Variants in CHD9 observed in about 807,000 individuals in gnomAD.
CHD9 encodes the protein chromodomain helicase DNA binding protein 9.
In CHD9, 77 loss-of-function variants were observed where a neutral mutation model predicts 316.1. That is an observed-to-expected ratio of 0.24 (90% confidence interval 0.20 to 0.29). The LOEUF is 0.29. Ranked by LOEUF, CHD9 falls within the 10% of genes least tolerant of loss-of-function variation. The probability of loss-of-function intolerance (pLI) is 1.00; values close to 1 mark genes in which losing one functional copy is unlikely to be tolerated. For missense variants in CHD9, 2,763 were observed against 3,438.1 expected, an observed-to-expected ratio of 0.80 and a Z score of 4.91; for synonymous variants, 1,129 against 1,158.3, an observed-to-expected ratio of 0.97 and a Z score of 0.51.
chr16:53,298,738 T>G (rs1214445532), intron 30 of CHD9: 2 of 153,368 alleles, frequency 1.3e-5, no homozygotes, highest in Non-Finnish European at 2.9e-5. Context: ...GTGAACCCTT[T>G]CTGTCCAGGA....
intron 1 of CHD9, among the ~76,000 whole-genome samples, chr16:53,146,436 T>TATATAA (rs1385131635): frequency 4.6e-5 from 6 of 130,970 alleles, no homozygotes; most frequent in African/African-American, 1.9e-4. Context: ...TATATATATA[T>TATATAA]AATTAAAAAG....
intron 1 of CHD9, among the ~76,000 whole-genome samples, chr16:53,064,702 A>T (rs979979632): frequency 6.6e-6 from 1 of 152,172 alleles, no homozygotes; most frequent in Non-Finnish European, 1.5e-5. Flanking sequence ...GGCTGGGCAC[A>T]GTGGCTCATG....
intron 2 of CHD9, among the ~76,000 whole-genome samples, chr16:53,198,586 A>G (rs1045088750): frequency 6.6e-6 from 1 of 152,120 alleles, no homozygotes; most frequent in Non-Finnish European, 1.5e-5. Context: ...TCGGCCTCCC[A>G]AAGTGCTAGG....
At chr16:53,254,239 A>T (rs928685876) in intron 17 of CHD9, among the ~76,000 whole-genome samples, 199 bp from the exon 18 acceptor site, 7 of 152,064 alleles carry the variant, frequency 4.6e-5, no homozygotes, top group Admixed American at 3.3e-4. Flanking sequence ...AAGCTTATAA[A>T]CCTAAATTTT....
At chr16:53,131,774 G>A (rs1277735058) in intron 1 of CHD9, among the ~76,000 whole-genome samples, 1 of 152,126 alleles carries the variant, frequency 6.6e-6, no homozygotes, top group Non-Finnish European at 1.5e-5. Flanking sequence ...GCGGGCACCC[G>A]ACGTCCCGGA....
chr16:53,149,528 CTTCT>C (rs1162018815), intron 1 of CHD9, among the ~76,000 whole-genome samples: 1 of 149,318 alleles, frequency 6.7e-6, no homozygotes, highest in Non-Finnish European at 1.5e-5. Flanking sequence ...GTGTAATATC[CTTCT>C]TTGTCTCTTG....
intron 19 of CHD9, among the ~76,000 whole-genome samples, chr16:53,262,338 CA>C (rs1304720028): frequency 6.6e-6 from 1 of 151,946 alleles, no homozygotes; most frequent in Non-Finnish European, 1.5e-5. Context: ...GAGTTTCTTC[CA>C]ACTAAAAGAT....
intron 1 of CHD9, among the ~76,000 whole-genome samples, chr16:53,105,981 C>G (rs2037316195): frequency 6.6e-6 from 1 of 152,070 alleles, no homozygotes; most frequent in Admixed American, 6.6e-5. Context: ...TGCCACTATG[C>G]CTGGCTAATT....
At chr16:53,199,951 T>G (rs1294825276) in intron 2 of CHD9, among the ~76,000 whole-genome samples, 1 of 152,108 alleles carries the variant, frequency 6.6e-6, no homozygotes, top group East Asian at 1.9e-4. Flanking sequence ...AAGAAAGTAA[T>G]ATCGGCTGGC....
At chr16:53,103,764 T>C (rs1456537215) in intron 1 of CHD9, among the ~76,000 whole-genome samples, 1 of 152,244 alleles carries the variant, frequency 6.6e-6, no homozygotes, top group African/African-American at 2.4e-5. Flanking sequence ...CATTGGTCTC[T>C]AGTGCCTTAT....
intron 27 of CHD9, among the ~76,000 whole-genome samples, chr16:53,291,479 G>A (rs1046841818): frequency 1.3e-5 from 2 of 152,206 alleles, no homozygotes; most frequent in Non-Finnish European, 2.9e-5. Flanking sequence ...TAGCTTAACA[G>A]TAATCATAGA....
chr16:53,175,290 C>A (rs2043026653), intron 2 of CHD9, among the ~76,000 whole-genome samples: 1 of 152,200 alleles, frequency 6.6e-6, no homozygotes. Flanking sequence ...TTCTTGGCTT[C>A]AAGTTCTATC....
chr16:53,314,795 A>G, intron 35 of CHD9, 28 bp from the exon 36 acceptor site: 2 of 1,466,312 alleles, frequency 1.4e-6, no homozygotes, highest in South Asian at 1.2e-5. Context: ...GTATGAAAAT[A>G]AAGATACCAT....
chr16:53,134,817 G>A (rs747758296), intron 1 of CHD9, among the ~76,000 whole-genome samples: 17 of 152,290 alleles, frequency 1.1e-4, no homozygotes, highest in Middle Eastern at 3.4e-3. Flanking sequence ...TTCATTAAAT[G>A]TATATATTAT....
rs1455111127 is a variant in CHD9 at position 53,231,637 on chromosome 16, T to A, written c.2374-10T>A. ...TTTTCAAAATGGTAAATGAAAAAAT[T>A]TTTTTACAGCCTGTTATTTACTACT... On this transcript the variant is annotated splice_polypyrimidine_tract_variant and intron_variant, in intron 9 of 38. Coordinates refer to ENST00000447540, the MANE Select transcript of CHD9 (RefSeq NM_001308319.2). 2.6e-6 allele frequency: 4 copies of A among 1,557,376 alleles called. No homozygotes were observed. Among genetic ancestry groups the A allele is most frequent in the Non-Finnish European group, 3.5e-6 (4 of 1,151,290 alleles).
intron 18 of CHD9, among the ~76,000 whole-genome samples, chr16:53,255,221 C>A (rs1421924833): frequency 6.6e-6 from 1 of 152,140 alleles, no homozygotes; most frequent in Middle Eastern, 3.4e-3. Context: ...AGGCAGGAGA[C>A]TCGCTTGAGT....
intron 37 of CHD9, chr16:53,319,882 C>T (rs2057147243): frequency 8.7e-7 from 1 of 1,155,242 alleles, no homozygotes; most frequent in East Asian, 6.4e-5. Context: ...CCAAGAGGGC[C>T]TCCATTTTCA....
rs918573687 is a variant in CHD9 at position 53,245,573 on chromosome 16, C to A, written c.3199-22C>A. On this transcript the variant is annotated intron_variant, in intron 14 of 38. Coordinates refer to ENST00000447540, the MANE Select transcript of CHD9 (RefSeq NM_001308319.2). The surrounding 1 kb of genome is among the most constrained non-coding windows in gnomAD (Gnocchi z 4.1). ...TTAAATGCTCACTTATGTTATATGT[C>A]TTTTTATCATTTTTTATTCAGGTAC... 9.1e-6 allele frequency: 14 copies of A among 1,538,678 alleles called. No homozygotes were observed. The highest frequency in any genetic ancestry group is 1.2e-5 in the Non-Finnish European group (14 of 1,147,396).
At chr16:53,195,659 C>T (rs956772330) in intron 2 of CHD9, among the ~76,000 whole-genome samples, 3 of 151,760 alleles carry the variant, frequency 2.0e-5, no homozygotes, top group South Asian at 2.1e-4. Flanking sequence ...AAGGCCTAAG[C>T]GCTCTCTTTT....
Sources: gnomAD v4.1 joint callset for allele counts (sites outside exome capture counted in the v4.1 genomes callset) on GRCh38, gnomAD v4.1.1 for gene constraint, Gnocchi (gnomAD v3.1) non-coding constraint, MANE v1.5 for transcripts, NCBI Gene and HGNC (gene_info 2026-07-23, HGNC 2026-07-21) for gene names.